Variants in PBLD observed in about 807,000 individuals in gnomAD.
The protein encoded by PBLD is phenazine biosynthesis like protein domain containing.
A neutral mutation model predicts 31.3 loss-of-function variants in PBLD; 26 were observed. That is an observed-to-expected ratio of 0.83 (90% CI 0.61 to 1.15). The LOEUF (loss-of-function observed/expected upper bound fraction) is 1.15. Ranked by LOEUF, PBLD falls within the 50% of genes most tolerant of loss-of-function variation. The probability of loss-of-function intolerance (pLI) is 0.00; values close to 1 mark genes in which losing one functional copy is unlikely to be tolerated. For synonymous variants in PBLD, 114 were observed against 129.0 expected, an observed-to-expected ratio of 0.88 and a Z score of 0.79; for missense variants, 307 against 351.7, an observed-to-expected ratio of 0.87 and a Z score of 1.02.
At chr10:68,309,591 C>CCT (rs1228294289) in intron 1 of PBLD, among the ~76,000 whole-genome samples, 2 of 149,084 alleles carry the variant, frequency 1.3e-5, no homozygotes, top group Non-Finnish European at 3.0e-5. Context: ...AGGCAGATCA[C>CCT]GAGGTCAGGA....
rs944868387 is a variant in PBLD at position 68,310,095 on chromosome 10, C to A, written c.-59-3192G>T. Among the ~76,000 whole-genome samples, 4 of 149,502 alleles carry A rather than the reference C, an allele frequency of 2.7e-5. 1 individual carries two copies. Among genetic ancestry groups the A allele is most frequent in the African/African-American group, 9.9e-5 (4 of 40,464 alleles). ...AGGTTGCAGTGAGCTGAGATTGTAC[C>A]ACTGCACTCCAGCCTGGGTGACCGA... On this transcript the variant is annotated intron_variant, in intron 1 of 9. Coordinates refer to ENST00000358769, the MANE Select transcript of PBLD (RefSeq NM_022129.4).
intron 8 of PBLD, among the ~76,000 whole-genome samples, chr10:68,286,163 C>T (rs557164742): frequency 1.5e-5 from 2 of 137,732 alleles, no homozygotes; most frequent in African/African-American, 5.3e-5. Context: ...TCTCGGCTCA[C>T]TACAACCTCT....
chr10:68,299,286 G>A lies in PBLD; in HGVS notation c.85-2301C>T, dbSNP rs10733842. 2.0e-4 allele frequency among the ~76,000 whole-genome samples: 31 copies of A among 151,858 alleles called. 1 individual carries two copies. The East Asian group carries it at 5.0e-3, about 25-fold the overall frequency. On this transcript the variant is annotated intron_variant, in intron 2 of 9. Transcript: ENST00000358769. ...TTGATCTCCTGAAACTCTTTCTAACGGAAATCTACTAGTTAGATTTTGAAT... is the reference window on the plus strand; with the variant it reads ...TTGATCTCCTGAAACTCTTTCTAACAGAAATCTACTAGTTAGATTTTGAAT...
chr10:68,315,500 G>A (rs910364645), intron 1 of PBLD, among the ~76,000 whole-genome samples: 8 of 151,338 alleles, frequency 5.3e-5, no homozygotes, highest in Non-Finnish European at 7.4e-5. Context: ...CAGGAGAATC[G>A]CTTGAACCTG....
chr10:68,308,709 T>C (rs2044615563), intron 1 of PBLD, among the ~76,000 whole-genome samples: 1 of 150,062 alleles, frequency 6.7e-6, no homozygotes, highest in South Asian at 2.1e-4. Flanking sequence ...CCACCACACC[T>C]GGCTTATTTT....
At chr10:68,305,090 T>C (rs1437320303) in intron 2 of PBLD, among the ~76,000 whole-genome samples, 1 of 152,168 alleles carries the variant, frequency 6.6e-6, no homozygotes, top group Non-Finnish European at 1.5e-5. Flanking sequence ...CCAGGTGCAG[T>C]GGCTCAGGCC....
intron 1 of PBLD, chr10:68,331,226 A>G (rs1323539624): frequency 6.6e-6 from 1 of 152,210 alleles, no homozygotes; most frequent in South Asian, 2.1e-4. Flanking sequence ...CAGCAAAACC[A>G]AAATGTACTT....
intron 1 of PBLD, among the ~76,000 whole-genome samples, chr10:68,314,987 G>C (rs1305978748): frequency 6.6e-6 from 1 of 151,802 alleles, no homozygotes; most frequent in South Asian, 2.1e-4. Flanking sequence ...ACGGGGTTTC[G>C]CCATGTTGGT....
chr10:68,322,505 TA>T (rs577171400), intron 1 of PBLD, among the ~76,000 whole-genome samples: 2,077 of 129,920 alleles, frequency 0.016, 45 homozygotes, highest in South Asian at 0.09. Flanking sequence ...GACAAAAAAT[TA>T]AAAAAAAAAA....
At chr10:68,329,707 G>A (rs1429973682) in intron 1 of PBLD, among the ~76,000 whole-genome samples, 5 of 152,138 alleles carry the variant, frequency 3.3e-5, no homozygotes, top group African/African-American at 1.2e-4. Flanking sequence ...TGTTCAAAAA[G>A]TCTCCAGCCA....
chr10:68,291,259 G>A (rs1210944762), intron 6 of PBLD, among the ~76,000 whole-genome samples: 2 of 152,190 alleles, frequency 1.3e-5, no homozygotes, highest in Non-Finnish European at 2.9e-5. Flanking sequence ...GAAACATTGA[G>A]AATTAAATGG....
At chr10:68,304,319 A>G (rs2044548228) in intron 2 of PBLD, among the ~76,000 whole-genome samples, 1 of 152,238 alleles carries the variant, frequency 6.6e-6, no homozygotes, top group Non-Finnish European at 1.5e-5. Flanking sequence ...TTAGATATCT[A>G]TTCAGGTGTC....
chr10:68,319,489 C>G (rs1212090158), intron 1 of PBLD, among the ~76,000 whole-genome samples: 1 of 152,140 alleles, frequency 6.6e-6, no homozygotes, highest in East Asian at 1.9e-4. Context: ...TCAAGATCAG[C>G]CTGGCCAACA....
intron 4 of PBLD, among the ~76,000 whole-genome samples, chr10:68,293,750 G>A (rs189386267): frequency 6.2e-4 from 95 of 152,192 alleles, no homozygotes; most frequent in Admixed American, 1.2e-3. Flanking sequence ...CGAGGCGGGT[G>A]GTTCACCCGA....
chr10:68,289,129 C>G, intron 6 of PBLD, 110 bp from the exon 7 acceptor site: 1 of 766,044 alleles, frequency 1.3e-6, no homozygotes, highest in Non-Finnish European at 2.2e-6. Context: ...CCAAGCATGC[C>G]CATCGTCTCC....
At chr10:68,319,323 G>A (rs781551438) in intron 1 of PBLD, among the ~76,000 whole-genome samples, 92 of 152,314 alleles carry the variant, frequency 6.0e-4, no homozygotes, top group Admixed American at 1.0e-3. Flanking sequence ...TACCTTATCA[G>A]TAATTACATT....
intron 1 of PBLD, among the ~76,000 whole-genome samples, chr10:68,311,409 A>C (rs774913509): frequency 6.6e-6 from 1 of 151,970 alleles, no homozygotes; most frequent in African/African-American, 2.4e-5. Context: ...ACACAGTGAA[A>C]CCCCATCTCT....
At chr10:68,327,426 T>G (rs1254873758) in intron 1 of PBLD, among the ~76,000 whole-genome samples, 1 of 151,884 alleles carries the variant, frequency 6.6e-6, no homozygotes, top group Non-Finnish European at 1.5e-5. Context: ...ACGCCTGTAA[T>G]CCCAGCATTT....
intron 1 of PBLD, among the ~76,000 whole-genome samples, chr10:68,318,645 G>A (rs1205392782): frequency 6.6e-6 from 1 of 152,024 alleles, no homozygotes; most frequent in Non-Finnish European, 1.5e-5. Context: ...TGGGAATGGA[G>A]CTATATAAGT....
Sources: gnomAD v4.1 joint callset for allele counts (sites outside exome capture counted in the v4.1 genomes callset) on GRCh38, gnomAD v4.1.1 for gene constraint, MANE v1.5 for transcripts, NCBI Gene and HGNC (gene_info 2026-07-23, HGNC 2026-07-21) for gene names.